ASCC3: variants seen among roughly 807,000 people sequenced by gnomAD.
ASCC3 encodes the protein activating signal cointegrator 1 complex subunit 3.
Under a neutral mutation model 256.3 loss-of-function variants are expected in ASCC3, and 158 were observed. That is an observed-to-expected ratio of 0.62 (90% confidence interval 0.54 to 0.70). The LOEUF (loss-of-function observed/expected upper bound fraction) is 0.70, where lower values mean the gene tolerates loss of function less well. ASCC3 is among the 30% of genes least tolerant of loss of function. ASCC3 has a pLI of 0.00. For missense variants in ASCC3, 2,259 were observed against 2,626.0 expected (o/e 0.86, Z 3.05); for synonymous variants, 948 against 883.4 (o/e 1.07, Z -1.30).
At chr6:100,705,460 T>C (rs1778534184) in intron 13 of ASCC3, among the ~76,000 whole-genome samples, 1 of 151,998 alleles carries the variant, frequency 6.6e-6, no homozygotes, top group Non-Finnish European at 1.5e-5. Context: ...AAGTGTTTAG[T>C]TGCCTGAGAG....
chr6:100,688,847 G>A (rs1482033788), intron 13 of ASCC3, among the ~76,000 whole-genome samples: 1 of 152,022 alleles, frequency 6.6e-6, no homozygotes, highest in Non-Finnish European at 1.5e-5. Flanking sequence ...TTCATTACAT[G>A]AACAACTATA....
At chr6:100,854,311 T>G (rs1041147472) in intron 3 of ASCC3, among the ~76,000 whole-genome samples, 6 of 152,180 alleles carry the variant, frequency 3.9e-5, no homozygotes, top group Non-Finnish European at 8.8e-5. Flanking sequence ...ATTGCCTAAG[T>G]AATGTAATTT....
chr6:100,829,141 C>T (rs985743754), intron 4 of ASCC3, among the ~76,000 whole-genome samples: 1 of 152,186 alleles, frequency 6.6e-6, no homozygotes, highest in Non-Finnish European at 1.5e-5. Context: ...CAAGTCCCCA[C>T]CAGACTCAGG....
chr6:100,611,197 T>A (rs1217313283), intron 30 of ASCC3, among the ~76,000 whole-genome samples: 2 of 152,148 alleles, frequency 1.3e-5, no homozygotes, highest in African/African-American at 4.8e-5. Flanking sequence ...TGTTTGTTTA[T>A]CTGAACTGGC....
chr6:100,838,545 T>C (rs956743435), intron 4 of ASCC3, among the ~76,000 whole-genome samples: 2 of 152,106 alleles, frequency 1.3e-5, no homozygotes, highest in Non-Finnish European at 2.9e-5. Context: ...AGATAAATTA[T>C]ATTTACAGAA....
At chr6:100,764,664 A>G (rs1248504715) in intron 10 of ASCC3, among the ~76,000 whole-genome samples, 1 of 152,140 alleles carries the variant, frequency 6.6e-6, no homozygotes, top group African/African-American at 2.4e-5. Context: ...AATTAAATCT[A>G]TCAATATTTC....
intron 36 of ASCC3, among the ~76,000 whole-genome samples, chr6:100,581,244 T>C (rs1771234864): frequency 6.6e-6 from 1 of 152,228 alleles, no homozygotes; most frequent in Admixed American, 6.5e-5. Context: ...CCAGCACCTG[T>C]TGTTTCCTGA....
intron 37 of ASCC3, among the ~76,000 whole-genome samples, chr6:100,524,760 T>G (rs1444387145): frequency 7.2e-5 from 11 of 152,082 alleles, no homozygotes; most frequent in Non-Finnish European, 1.6e-4. Context: ...CTTCTTAGTA[T>G]TCTTTAGACT....
intron 5 of ASCC3, among the ~76,000 whole-genome samples, chr6:100,803,363 G>C (rs1301257927): frequency 6.6e-6 from 1 of 152,118 alleles, no homozygotes; most frequent in Non-Finnish European, 1.5e-5. Context: ...TGAGTTCTCA[G>C]GAGGTCTGAT....
chr6:100,550,962 C>T (rs1471333911), intron 36 of ASCC3, among the ~76,000 whole-genome samples: 3 of 151,764 alleles, frequency 2.0e-5, no homozygotes, highest in Non-Finnish European at 4.4e-5. Flanking sequence ...ATAAAAATGC[C>T]TTATGTAGTT....
intron 8 of ASCC3, among the ~76,000 whole-genome samples, chr6:100,767,632 G>A (rs1050651870): frequency 2.6e-5 from 4 of 151,840 alleles, no homozygotes; most frequent in South Asian, 4.2e-4. Context: ...TTTTTGAGAC[G>A]GAGTCTCACT....
intron 13 of ASCC3, 80 bp downstream of exon 13, chr6:100,715,382 C>A (rs1429155496): frequency 1.0e-5 from 13 of 1,283,110 alleles, no homozygotes; most frequent in South Asian, 2.6e-5. Flanking sequence ...TTCTGAAGAG[C>A]GTAAATATTA....
chr6:100,706,750 A>G (rs1489275766), intron 13 of ASCC3, among the ~76,000 whole-genome samples: 1 of 152,106 alleles, frequency 6.6e-6, no homozygotes, highest in Non-Finnish European at 1.5e-5. Flanking sequence ...CCTTAAACAG[A>G]GCAAGCCTTT....
chr6:100,570,022 G>T (rs555125451), intron 36 of ASCC3, among the ~76,000 whole-genome samples: 1 of 152,112 alleles, frequency 6.6e-6, no homozygotes, highest in African/African-American at 2.4e-5. Flanking sequence ...GTATTCCCAG[G>T]TATTTAATTT....
rs899333808 is a variant in ASCC3 at position 100,652,839 on chromosome 6, T to C, written c.2874A>G (p.Gly958=). The change falls in exon 18 of 42, where the codon GGA becomes GGG. Residue 958 remains glycine (G), a synonymous_variant. Coordinates refer to ENST00000369162, the MANE Select transcript of ASCC3 (RefSeq NM_006828.4). ...TCATCTGAGCTTTGTCTAGTTTTCGTCCAACTTCAATGACCAACTGTTCTC... is the reference window on the plus strand; with the variant it reads ...TCATCTGAGCTTTGTCTAGTTTTCGCCCAACTTCAATGACCAACTGTTCTC... The part of the protein sequence containing the change: ...KHREQLVIEV[G]RKLDKAQMIR... The C allele has an allele frequency of 1.2e-6, 2 of 1,613,828 alleles. No homozygotes were observed. The highest frequency in any genetic ancestry group is 8.5e-7 in the Non-Finnish European group (1 of 1,179,932).
intron 14 of ASCC3, among the ~76,000 whole-genome samples, chr6:100,679,191 C>G (rs1777168107): frequency 7.0e-6 from 1 of 143,678 alleles, no homozygotes; most frequent in Non-Finnish European, 1.5e-5. Flanking sequence ...CTTTTTGGCT[C>G]AGAATTCCTT....
chr6:100,569,375 T>A (rs1434014669), intron 36 of ASCC3, among the ~76,000 whole-genome samples: 1 of 152,040 alleles, frequency 6.6e-6, no homozygotes, highest in Admixed American at 6.6e-5. Context: ...TGTAACCTTT[T>A]TTTATTTATT....
intron 13 of ASCC3, among the ~76,000 whole-genome samples, chr6:100,697,708 T>C (rs1778159303): frequency 6.6e-6 from 1 of 152,072 alleles, no homozygotes; most frequent in South Asian, 2.1e-4. Context: ...ATACCTAGGA[T>C]ATCCAATTCC....
At position 100,668,841 on chromosome 6, in the gene ASCC3, C is replaced by T. The variant is rs200709767; in HGVS notation, c.2287-6305G>A. 1.8e-4 allele frequency among the ~76,000 whole-genome samples: 28 copies of T among 151,928 alleles called. No individual in the cohort carries two copies. In the East Asian group the frequency reaches 5.2e-3, roughly 28 times the overall value. On this transcript the variant is annotated intron_variant, in intron 14 of 41. Transcript: ENST00000369162. Reference sequence around the variant, plus strand: ...GACATTGAATTTTGACAAAAGGCTACATTCAGTCCTGATGATTAGAGATGA... The same window carrying T: ...GACATTGAATTTTGACAAAAGGCTATATTCAGTCCTGATGATTAGAGATGA...
Sources: allele counts gnomAD v4.1 joint callset (sites outside exome capture counted in the v4.1 genomes callset), GRCh38; gene constraint gnomAD v4.1.1; transcripts MANE v1.5; gene names NCBI Gene and HGNC (gene_info 2026-07-23, HGNC 2026-07-21).